Variants in IQCM observed in about 807,000 individuals in gnomAD.
IQCM encodes IQ domain-containing protein M.
In IQCM, 45 loss-of-function variants were observed where a neutral mutation model predicts 57.6. The observed-to-expected ratio is 0.78, with a 90% CI of 0.62 to 1.00. The LOEUF (loss-of-function observed/expected upper bound fraction) is 1.00. IQCM is among the 50% of genes least tolerant of loss of function. IQCM has a pLI of 0.00. For synonymous variants in IQCM, 148 were observed against 158.9 expected (o/e 0.93, Z 0.51); for missense variants, 468 against 511.6 (o/e 0.91, Z 0.82).
intron 8 of IQCM, among the ~76,000 whole-genome samples, chr4:149,599,333 T>C (rs1754060003): frequency 6.6e-6 from 1 of 152,136 alleles, no homozygotes. Flanking sequence ...GAAGAAATTA[T>C]AATTACATTT....
intron 12 of IQCM, among the ~76,000 whole-genome samples, chr4:149,528,400 A>AGT (rs1560953559): frequency 4.4e-4 from 42 of 95,702 alleles, no homozygotes; most frequent in African/African-American, 1.1e-3. Flanking sequence ...CTTTGAGTTA[A>AGT]GGCATTAAAA....
chr4:149,446,846 TG>T (rs1367437446), intron 12 of IQCM, among the ~76,000 whole-genome samples: 1 of 151,602 alleles, frequency 6.6e-6, no homozygotes, highest in African/African-American at 2.4e-5. Flanking sequence ...ATATTTTACA[TG>T]TATTATAACA....
intron 13 of IQCM, among the ~76,000 whole-genome samples, chr4:149,353,062 T>C (rs931776240): frequency 1.3e-5 from 2 of 152,174 alleles, no homozygotes; most frequent in Non-Finnish European, 1.5e-5. Flanking sequence ...TATCTCCATA[T>C]TGTTATTTGA....
In IQCM at chr4:149,553,247, A is replaced by T; in HGVS notation, c.989T>A (p.Met330Lys). The T allele has an allele frequency of 2.4e-6, 3 of 1,231,922 alleles. No individual in the cohort carries two copies. Among genetic ancestry groups the T allele is most frequent in the Non-Finnish European group, 3.0e-6 (3 of 987,796 alleles). The allele number at this position is 1,231,922 out of a possible 1,614,324, so 76.3% of individuals were successfully genotyped here. ...HGPDMKAVIN[M>K]YGRLIHRVRY... ...AACACGGTGGATTAGTCTGCCATAC[A>T]TGTTAATAACTGCTTTCATATCTGG... is the stretch of plus-strand genomic sequence containing the variant. The change falls in exon 11 of 14, where the codon ATG becomes AAG. Residue 330 changes from methionine (M) to lysine (K), a missense_variant. Physicochemically the swap from Met to Lys is moderately conservative, Grantham distance 95. Transcript: ENST00000636793.
rs534039576 is a variant in IQCM at position 149,556,507 on chromosome 4, T to C, written c.949-3220A>G. ...TTTGAAAAAAGATTCTATAGACCTATAAGAAGATATCTTGACCACATTTGT... is the reference window on the plus strand; with the variant it reads ...TTTGAAAAAAGATTCTATAGACCTACAAGAAGATATCTTGACCACATTTGT... On this transcript the variant is annotated intron_variant, in intron 10 of 13. Transcript: ENST00000636793. 2.6e-5 allele frequency among the ~76,000 whole-genome samples: 4 copies of C among 152,304 alleles called. No homozygotes were observed. The East Asian group carries it at 7.7e-4, about 29-fold the overall frequency.
At chr4:149,645,010 C>T (rs1398133091) in intron 7 of IQCM, among the ~76,000 whole-genome samples, 1 of 152,150 alleles carries the variant, frequency 6.6e-6, no homozygotes, top group African/African-American at 2.4e-5. Context: ...CTGGACTCTC[C>T]TAGATTTGCT....
chr4:149,508,646 T>G (rs796714049), intron 12 of IQCM, among the ~76,000 whole-genome samples: 1 of 152,220 alleles, frequency 6.6e-6, no homozygotes. Flanking sequence ...TATAGGCTCA[T>G]AGGTGTAAGG....
intron 5 of IQCM, among the ~76,000 whole-genome samples, chr4:149,692,596 A>G (rs1763022713): frequency 6.6e-6 from 1 of 152,208 alleles, no homozygotes; most frequent in Admixed American, 6.5e-5. Flanking sequence ...GACTGCATCC[A>G]ACATACAAAA....
intron 12 of IQCM, among the ~76,000 whole-genome samples, chr4:149,534,574 G>C (rs1456408743): frequency 6.6e-6 from 1 of 151,994 alleles, no homozygotes; most frequent in Non-Finnish European, 1.5e-5. Context: ...ATACACAGTG[G>C]TATATAAGGA....
At chr4:149,640,138 AATT>A in intron 7 of IQCM, among the ~76,000 whole-genome samples, 1 of 152,314 alleles carries the variant, frequency 6.6e-6, no homozygotes. Flanking sequence ...AATTTTAGAA[AATT>A]GTTTTAATTT....
intron 2 of IQCM, among the ~76,000 whole-genome samples, chr4:149,771,081 T>A (rs1248435848): frequency 6.6e-6 from 1 of 152,060 alleles, no homozygotes; most frequent in Non-Finnish European, 1.5e-5. Context: ...GTAAAAGAAA[T>A]CTACAATTAA....
At chr4:149,533,709 T>C (rs1746986942) in intron 12 of IQCM, among the ~76,000 whole-genome samples, 1 of 152,012 alleles carries the variant, frequency 6.6e-6, no homozygotes, top group Non-Finnish European at 1.5e-5. Flanking sequence ...TCATAAGCTC[T>C]CATGAGAACT....
rs946321363 is a variant in IQCM, at chr4:149,791,224, ACTGT to A, written c.-49+24083_-49+24086del. Among the ~76,000 whole-genome samples the A allele has an allele frequency of 1.8e-4, 27 of 152,272 alleles. 1 individual carries two copies. Among genetic ancestry groups the A allele is most frequent in the Middle Eastern group, 3.4e-3 (1 of 294 alleles). On this transcript the variant is annotated intron_variant, in intron 2 of 13. Transcript: ENST00000636793. ...ACATGTTTATTTGCCAAATTTTATTACTGTCTTTTATTGATTTTTATCTTTTTTA... is the reference window on the plus strand; with the variant it reads ...ACATGTTTATTTGCCAAATTTTATTACTTTTATTGATTTTTATCTTTTTTA...
chr4:149,586,906 T>A (rs77411121), intron 9 of IQCM, among the ~76,000 whole-genome samples: 2,254 of 151,862 alleles, frequency 0.015, 67 homozygotes, highest in African/African-American at 0.052. Flanking sequence ...TCTTTCTATG[T>A]AAACAGATGA....
chr4:149,612,599 A>G (rs1755396389), intron 8 of IQCM, among the ~76,000 whole-genome samples: 1 of 152,182 alleles, frequency 6.6e-6, no homozygotes, highest in Admixed American at 6.5e-5. Context: ...TCTAAATTGT[A>G]CAATAAAATT....
chr4:149,721,418 T>C (rs1256649711), intron 5 of IQCM, among the ~76,000 whole-genome samples: 1 of 152,086 alleles, frequency 6.6e-6, no homozygotes, highest in Non-Finnish European at 1.5e-5. Flanking sequence ...AATCCATAGG[T>C]AGTTTTTCAT....
chr4:149,739,141 T>G (rs1767214186), intron 3 of IQCM, among the ~76,000 whole-genome samples: 1 of 152,148 alleles, frequency 6.6e-6, no homozygotes. Flanking sequence ...TTATGAAAAC[T>G]ATACTTATAA....
intron 2 of IQCM, among the ~76,000 whole-genome samples, chr4:149,797,802 A>C (rs919733269): frequency 3.3e-5 from 5 of 152,024 alleles, no homozygotes; most frequent in Non-Finnish European, 7.4e-5. Context: ...AAGAAAAAAA[A>C]AAACTTTTTC....
intron 8 of IQCM, among the ~76,000 whole-genome samples, chr4:149,604,702 T>G (rs1333299814): frequency 6.6e-6 from 1 of 152,202 alleles, no homozygotes; most frequent in Non-Finnish European, 1.5e-5. Flanking sequence ...GTTCATAAAT[T>G]TATTCCTAAG....
Sources: gnomAD v4.1 joint callset for allele counts (sites outside exome capture counted in the v4.1 genomes callset) on GRCh38, gnomAD v4.1.1 for gene constraint, MANE v1.5 for transcripts, NCBI Gene and HGNC (gene_info 2026-07-23, HGNC 2026-07-21) for gene names.